TMEM131: variants seen among roughly 807,000 people sequenced by gnomAD.
TMEM131 encodes transmembrane protein 131, also known as 2610524E03Rik.
In TMEM131, 66 loss-of-function variants were observed where a neutral mutation model predicts 211.6. The ratio of observed to expected loss-of-function variants is 0.31; its 90% CI spans 0.26 to 0.38. The LOEUF (loss-of-function observed/expected upper bound fraction) is 0.38. TMEM131 is among the 10% of genes least tolerant of loss of function. The pLI is 1.00. For synonymous variants in TMEM131, 844 were observed against 841.3 expected, an observed-to-expected ratio of 1.00 and a Z score of -0.06; for missense variants, 2,036 against 2,299.3, an observed-to-expected ratio of 0.89 and a Z score of 2.34.
rs767971314 is a variant in TMEM131, at chr2:97,797,397, G to A, written c.2838C>T (p.His946=). Reference sequence around the variant, plus strand: ...TGATAAGTGAAGAAACAGTTCTGTTGTGAACTGGAGTAAACTTTACTTTGA... The same window carrying A: ...TGATAAGTGAAGAAACAGTTCTGTTATGAACTGGAGTAAACTTTACTTTGA... ...KSVKVKFTPV[H]NRTVSSLIIV... Residue 946 remains histidine, a synonymous_variant, in exon 26 of 41, where the codon CAC becomes CAT. Coordinates refer to ENST00000186436, the MANE Select transcript of TMEM131 (RefSeq NM_015348.2). 6.2e-7 allele frequency: 1 copy of A among 1,611,336 alleles called. No individual in the cohort carries two copies. The highest frequency in any genetic ancestry group is 2.2e-5 in the East Asian group (1 of 44,826).
intron 11 of TMEM131, among the ~76,000 whole-genome samples, chr2:97,823,611 G>A (rs1682230635): frequency 6.6e-6 from 1 of 152,168 alleles, no homozygotes; most frequent in East Asian, 1.9e-4. Flanking sequence ...TCCCCAGTAT[G>A]GATGCCCACT....
chr2:97,980,991 A>C (rs1374061835), intron 1 of TMEM131, among the ~76,000 whole-genome samples: 2 of 141,468 alleles, frequency 1.4e-5, no homozygotes, highest in Non-Finnish European at 3.0e-5. Context: ...TGGTTATTCA[A>C]ATCTATACAT....
rs1466364014 is a variant in TMEM131, at chr2:97,948,394, AACAG to A, written c.188-20911_188-20908del. The stretch of plus-strand genomic sequence containing the variant: ...TTTAAAAAAATGCAAAAAAGATGTG[AACAG>A]ACATTTAAGCAAAGACAACATGAAT... On this transcript the variant is annotated intron_variant, in intron 1 of 40. Transcript: ENST00000186436. Among the ~76,000 whole-genome samples the A allele has an allele frequency of 1.6e-4, 25 of 152,330 alleles. No individual in the cohort carries two copies. The East Asian group carries it at 4.4e-3, about 27-fold the overall frequency.
At chr2:97,772,170 C>G in intron 33 of TMEM131, 127 bp downstream of exon 33, 3 of 1,078,178 alleles carry the variant, frequency 2.8e-6, no homozygotes, top group Non-Finnish European at 4.1e-6. Context: ...TGACGTAGCA[C>G]CTGGATTTTG....
intron 5 of TMEM131, among the ~76,000 whole-genome samples, chr2:97,851,943 G>C (rs970021503): frequency 2.6e-5 from 4 of 152,188 alleles, no homozygotes; most frequent in African/African-American, 4.8e-5. Flanking sequence ...CTGGAAATAA[G>C]GTTAGTGAGG....
At chr2:97,926,343 G>T (rs754632427) in intron 2 of TMEM131, among the ~76,000 whole-genome samples, 1 of 152,064 alleles carries the variant, frequency 6.6e-6, no homozygotes, top group African/African-American at 2.4e-5. Flanking sequence ...TAAGAAACCA[G>T]GAGTTATTTA....
In TMEM131 at chr2:97,994,181, G is replaced by T. The variant is rs562585624; in HGVS notation, c.187+1295C>A. Among the ~76,000 whole-genome samples the T allele has an allele frequency of 3.3e-5, 5 of 152,338 alleles. No homozygotes were observed. The East Asian group carries it at 7.7e-4, about 23-fold the overall frequency. On this transcript the variant is annotated intron_variant, in intron 1 of 40. Transcript: ENST00000186436. ...AGGTGCCACGATCACACATAAGAAA[G>T]AACACTCAACTAACTGCAGATCTGT...
At position 97,794,798 on chromosome 2, in the gene TMEM131, T is replaced by C. The variant is rs185461151; in HGVS notation, c.3386+132A>G. On this transcript the variant is annotated intron_variant, in intron 29 of 40. Transcript: ENST00000186436. The stretch of plus-strand genomic sequence containing the variant: ...TAACTGTTCCCACCAGTCTGTGAGA[T>C]TGATAAAGGCAGAGTTCTGTCTTGT... 3,043 of 664,112 alleles carry C rather than the reference T, an allele frequency of 4.6e-3. 24 individuals carry two copies. Among genetic ancestry groups the C allele is most frequent in the Middle Eastern group, 7.6e-3 (19 of 2,510 alleles). 41.1% of individuals were successfully genotyped at this position (664,112 alleles called of 1,614,324 possible).
At chr2:97,832,780 A>T (rs187339864) in intron 11 of TMEM131, among the ~76,000 whole-genome samples, 1 of 152,224 alleles carries the variant, frequency 6.6e-6, no homozygotes, top group African/African-American at 2.4e-5. Flanking sequence ...TTTTTTTCCT[A>T]AAACTATCTA....
chr2:97,888,189 G>C, intron 3 of TMEM131, 69 bp from the exon 4 acceptor site: 3 of 1,334,440 alleles, frequency 2.2e-6, no homozygotes, highest in Non-Finnish European at 3.1e-6. Flanking sequence ...ACTCTATTCA[G>C]ACAGCTGACT....
At chr2:97,790,120 T>C (rs546589681) in intron 31 of TMEM131, among the ~76,000 whole-genome samples, 1 of 152,192 alleles carries the variant, frequency 6.6e-6, no homozygotes, top group African/African-American at 2.4e-5. Flanking sequence ...ATGTTACTAT[T>C]TAATGTAAAT....
chr2:97,782,301 A>G (rs1196146269), intron 31 of TMEM131, among the ~76,000 whole-genome samples: 1 of 152,196 alleles, frequency 6.6e-6, no homozygotes, highest in Non-Finnish European at 1.5e-5. Flanking sequence ...GGAAACCAGC[A>G]CTTCTAACTC....
intron 1 of TMEM131, among the ~76,000 whole-genome samples, chr2:97,939,979 A>G (rs1374269403): frequency 1.3e-5 from 2 of 152,212 alleles, no homozygotes; most frequent in African/African-American, 2.4e-5. Context: ...ACATCCCTTC[A>G]TGCTAAAAAC....
At chr2:97,975,586 A>G (rs1323446339) in intron 1 of TMEM131, among the ~76,000 whole-genome samples, 1 of 152,130 alleles carries the variant, frequency 6.6e-6, no homozygotes, top group East Asian at 1.9e-4. Context: ...GAAATAGATA[A>G]CCTGAAGAGC....
intron 3 of TMEM131, among the ~76,000 whole-genome samples, chr2:97,902,452 A>G (rs958312538): frequency 6.6e-6 from 1 of 152,156 alleles, no homozygotes; most frequent in Admixed American, 6.5e-5. Context: ...TAGACAGAAC[A>G]CTGGTTTTGT....
At chr2:97,876,584 GA>G (rs1302000636) in intron 4 of TMEM131, among the ~76,000 whole-genome samples, 1 of 152,086 alleles carries the variant, frequency 6.6e-6, no homozygotes, top group Non-Finnish European at 1.5e-5. Flanking sequence ...CACATAAACA[GA>G]ACCAATGACA....
chr2:97,911,435 T>C (rs962435581), intron 2 of TMEM131, among the ~76,000 whole-genome samples: 1 of 152,224 alleles, frequency 6.6e-6, no homozygotes, highest in African/African-American at 2.4e-5. Context: ...ATGCAGTTTA[T>C]TGTATGTCAT....
chr2:97,883,561 C>G (rs988799749), intron 4 of TMEM131, among the ~76,000 whole-genome samples: 1 of 152,110 alleles, frequency 6.6e-6, no homozygotes, highest in Non-Finnish European at 1.5e-5. Flanking sequence ...TTCATGACAC[C>G]GAACTGTTCT....
chr2:97,850,096 G>A (rs771678022), intron 5 of TMEM131, among the ~76,000 whole-genome samples: 4 of 150,534 alleles, frequency 2.7e-5, no homozygotes, highest in Non-Finnish European at 5.9e-5. Context: ...GGACTCTCCG[G>A]CAGTATGAAA....
Sources: allele counts gnomAD v4.1 joint callset (sites outside exome capture counted in the v4.1 genomes callset), GRCh38; gene constraint gnomAD v4.1.1; transcripts MANE v1.5; gene names NCBI Gene and HGNC (gene_info 2026-07-23, HGNC 2026-07-21).